MAF: variants seen among roughly 807,000 people sequenced by gnomAD.
MAF encodes MAF bZIP transcription factor, also known as transcription factor Maf.
A neutral mutation model predicts 22.0 loss-of-function variants in MAF; 10 were observed. The ratio of observed to expected loss-of-function variants is 0.45; its 90% CI spans 0.28 to 0.77. The LOEUF (loss-of-function observed/expected upper bound fraction) is 0.77, where lower values mean the gene tolerates loss of function less well. Ranked by LOEUF, MAF falls within the 30% of genes least tolerant of loss-of-function variation. MAF has a pLI of 0.12. For missense variants in MAF, 544 were observed against 548.4 expected (o/e 0.99, Z 0.08); for synonymous variants, 337 against 255.8 (o/e 1.32, Z -3.03).
Position 79,600,014 on chromosome 16 carries a change from C to A in MAF, c.-112G>T. 2 of 1,490,130 alleles carry A rather than the reference C, an allele frequency of 1.3e-6. No individual in the cohort carries two copies. The highest frequency in any genetic ancestry group is 1.2e-5 in the South Asian group (1 of 86,030). The allele number at this position is 1,490,130 out of a possible 1,614,324, so 92.3% of individuals were successfully genotyped here. ...GGTGAGCCAGCTTGCCGGGCTGGGG[C>A]GCTTCTAGCTTGCGCGGCGGTGGCT... On this transcript the variant is annotated 5_prime_UTR_variant, in exon 1 of 2. Coordinates refer to ENST00000326043, the MANE Select transcript of MAF (RefSeq NM_005360.5).
chr16:79,388,382 G>A, the MAF span, among the ~76,000 whole-genome samples: 29 of 152,218 alleles, frequency 1.9e-4, no homozygotes, highest in African/African-American at 5.5e-4. Context: ...GATGGATTTC[G>A]TACCACAGAA....
At chr16:79,257,787 C>G in the MAF span, among the ~76,000 whole-genome samples, 4 of 152,176 alleles carry the variant, frequency 2.6e-5, no homozygotes, top group Non-Finnish European at 4.4e-5. Context: ...GAAGAACACT[C>G]ATGACATGAG....
the MAF span, among the ~76,000 whole-genome samples, chr16:79,408,048 T>C: frequency 8.2e-6 from 1 of 121,722 alleles, no homozygotes; most frequent in African/African-American, 3.3e-5. Context: ...GAATGAGTGA[T>C]TAACTACATG....
chr16:79,261,763 G>C, the MAF span, among the ~76,000 whole-genome samples: 3 of 152,338 alleles, frequency 2.0e-5, no homozygotes, highest in East Asian at 5.8e-4. Flanking sequence ...ATGGGAAAAT[G>C]ATGAGGGCAG....
the MAF span, among the ~76,000 whole-genome samples, chr16:79,233,860 T>C: frequency 1.3e-5 from 2 of 151,602 alleles, no homozygotes; most frequent in Non-Finnish European, 2.9e-5. Context: ...GGTGTGGTGG[T>C]GGGCACCTGT....
the MAF span, among the ~76,000 whole-genome samples, chr16:79,349,753 C>G: frequency 6.6e-6 from 1 of 152,224 alleles, no homozygotes; most frequent in East Asian, 1.9e-4. Context: ...TTACACCTGT[C>G]TTGTCCAAGA....
At chr16:79,306,826 C>A in the MAF span, among the ~76,000 whole-genome samples, 1 of 152,164 alleles carries the variant, frequency 6.6e-6, no homozygotes, top group Non-Finnish European at 1.5e-5. Flanking sequence ...GGACAAGCTA[C>A]GTACATTTCT....
At chr16:79,326,204 C>G in the MAF span, among the ~76,000 whole-genome samples, 1 of 152,134 alleles carries the variant, frequency 6.6e-6, no homozygotes, top group Non-Finnish European at 1.5e-5. Context: ...CCCCTTGTTT[C>G]CAGAATTTAT....
chr16:79,575,755 C>A, the MAF span, among the ~76,000 whole-genome samples: 1 of 152,192 alleles, frequency 6.6e-6, no homozygotes, highest in Admixed American at 6.5e-5. Context: ...ATTTTATATC[C>A]TTAATAGATA....
At chr16:79,540,739 T>C in the MAF span, among the ~76,000 whole-genome samples, 1 of 152,176 alleles carries the variant, frequency 6.6e-6, no homozygotes, top group Non-Finnish European at 1.5e-5. Context: ...AAATAAACAA[T>C]TCAGTATCCA....
intron 1 of MAF, chr16:79,597,925 C>G (rs952662633): frequency 1.9e-6 from 2 of 1,038,542 alleles, no homozygotes; most frequent in East Asian, 1.2e-4. Context: ...TTTTTAATGG[C>G]AGACTAAACT....
the MAF span, among the ~76,000 whole-genome samples, chr16:79,365,013 T>C: frequency 1.3e-5 from 2 of 152,118 alleles, no homozygotes; most frequent in Non-Finnish European, 2.9e-5. Flanking sequence ...CAAAAGAAAA[T>C]GTAATTGGTT....
chr16:79,304,513 T>A, the MAF span, among the ~76,000 whole-genome samples: 5 of 152,230 alleles, frequency 3.3e-5, no homozygotes, highest in Non-Finnish European at 7.3e-5. Flanking sequence ...TTTACCTTTT[T>A]TGTGGGTCTG....
At chr16:79,347,379 C>T in the MAF span, among the ~76,000 whole-genome samples, 26 of 152,308 alleles carry the variant, frequency 1.7e-4, no homozygotes, top group Non-Finnish European at 3.4e-4. Context: ...TAGCAGCGAG[C>T]CAGGAGTCTC....
the MAF span, among the ~76,000 whole-genome samples, chr16:79,383,609 C>T: frequency 2.0e-5 from 3 of 152,158 alleles, no homozygotes; most frequent in Admixed American, 6.5e-5. Flanking sequence ...TATCAGCAGA[C>T]TTGTAGCTAC....
the MAF span, chr16:79,505,721 G>C: frequency 6.6e-6 from 1 of 152,268 alleles, no homozygotes; most frequent in Non-Finnish European, 1.5e-5. Flanking sequence ...GAGGCGACTG[G>C]GGTCTACATC....
chr16:79,303,169 A>G, the MAF span, among the ~76,000 whole-genome samples: 1 of 152,170 alleles, frequency 6.6e-6, no homozygotes, highest in Non-Finnish European at 1.5e-5. Context: ...AGGAAGGCTG[A>G]TGTTCTAGAC....
At chr16:79,493,856 A>G in the MAF span, among the ~76,000 whole-genome samples, 1 of 152,064 alleles carries the variant, frequency 6.6e-6, no homozygotes, top group South Asian at 2.1e-4. Flanking sequence ...ATCAAGAGCA[A>G]AGACCTGCCC....
chr16:79,270,004 C>T, the MAF span, among the ~76,000 whole-genome samples: 1 of 152,092 alleles, frequency 6.6e-6, no homozygotes, highest in Non-Finnish European at 1.5e-5. Flanking sequence ...AGAAAGATCA[C>T]AGCTCTGAAG....
Sources: gnomAD v4.1 joint callset for allele counts (sites outside exome capture counted in the v4.1 genomes callset) on GRCh38, gnomAD v4.1.1 for gene constraint, MANE v1.5 for transcripts, NCBI Gene and HGNC (gene_info 2026-07-23, HGNC 2026-07-21) for gene names.